Variants in KRT84 observed in about 807,000 individuals in gnomAD.
KRT84 encodes the protein keratin, type II cuticular Hb4.
Under a neutral mutation model 49.0 loss-of-function variants are expected in KRT84, and 38 were observed. The observed-to-expected ratio is 0.78, with a 90% CI of 0.60 to 1.02. The LOEUF (loss-of-function observed/expected upper bound fraction) is 1.02. Ranked by LOEUF, KRT84 falls within the 50% of genes least tolerant of loss-of-function variation. The pLI, the probability that KRT84 is intolerant of heterozygous loss-of-function variation, is 0.00. For missense variants in KRT84, 860 were observed against 788.6 expected (o/e 1.09, Z -1.08); for synonymous variants, 334 against 312.8 (o/e 1.07, Z -0.72).
At chr12:52,380,306 A>G in intron 7 of KRT84, 57 bp downstream of exon 7, 1 of 1,591,326 alleles carries the variant, frequency 6.3e-7, no homozygotes, top group Non-Finnish European at 8.6e-7. Context: ...TCTCTTCCTT[A>G]GTCTTTCTAG....
chr12:52,381,160 G>T lies in KRT84; in HGVS notation c.1123C>A (p.Arg375Ser), dbSNP rs147729749. 6 of 1,614,092 alleles carry T rather than the reference G, an allele frequency of 3.7e-6. No individual in the cohort carries two copies. In the African/African-American group the frequency reaches 4.0e-5, roughly 11 times the overall value. Reference protein sequence around the residue: ...VTAGQHCDNLRNIRNEINELT... With the variant: ...VTAGQHCDNLSNIRNEINELT... ...TCGTTGATCTCGTTCCGTATGTTGC[G>T]CAGGTTGTCACAGTGTTGGCCAGCT... Residue 375 changes from arginine to serine, a missense_variant, in exon 6 of 9, where the codon CGC (arginine) becomes AGC (serine). Arg to Ser is a moderately radical substitution (Grantham distance 110). Coordinates refer to ENST00000257951, the MANE Select transcript of KRT84 (RefSeq NM_033045.4).
rs1939523225 is a variant in KRT84, at chr12:52,383,653, T to C, written c.692A>G (p.Asp231Gly). Residue 231 changes from aspartate to glycine, a missense_variant, in exon 2 of 9, where the codon GAT becomes GGT. Physicochemically the swap from Asp to Gly is moderately conservative, Grantham distance 94. Coordinates refer to ENST00000257951, the MANE Select transcript of KRT84 (RefSeq NM_033045.4). ...LRRQLEVLVSDQARLQAERNH... is the reference protein window; with the variant it reads ...LRRQLEVLVSGQARLQAERNH... ...CCTCTCAGCCTGGAGCCGGGCCTGA[T>C]CACTGACCAGCACCTCCAACTGCCT... 1.2e-6 allele frequency: 2 copies of C among 1,613,994 alleles called. No individual in the cohort carries two copies. The highest frequency in any genetic ancestry group is 3.3e-5 in the Admixed American group (2 of 60,002).
rs773953337 is a variant in KRT84, at chr12:52,385,353, C to T, written c.233G>A (p.Arg78His). Reference protein sequence around the residue: ...VGSRPIHCGVRFGAGCGMGFG... With the variant: ...VGSRPIHCGVHFGAGCGMGFG... Reference sequence around the variant, plus strand: ...ACCCATCCCACAGCCAGCACCAAAGCGGACTCCACAGTGGATGGGCCGAGA... The same window carrying T: ...ACCCATCCCACAGCCAGCACCAAAGTGGACTCCACAGTGGATGGGCCGAGA... Residue 78 changes from arginine to histidine, a missense_variant, in exon 1 of 9, where the codon CGC (arginine) becomes CAC (histidine). Transcript: ENST00000257951. The T allele has an allele frequency of 1.2e-5, 19 of 1,614,078 alleles. No homozygotes were observed. The highest frequency in any genetic ancestry group is 3.3e-5 in the Admixed American group (2 of 60,008).
rs772317331 is a variant in KRT84, at chr12:52,385,052, G to T, written c.534C>A (p.Ser178=). The T allele has an allele frequency of 3.1e-6, 5 of 1,607,152 alleles. No homozygotes were observed. In the South Asian group the frequency reaches 5.6e-5, roughly 18 times the overall value. The part of the protein sequence containing the change: ...QIKTLNNKFA[S]FIDKVRFLEQ... ...CTATCATAGGTACCTTGTCAATGAAGGAGGCAAACTTGTTGTTGAGGGTCT... is the reference window on the plus strand; with the variant it reads ...CTATCATAGGTACCTTGTCAATGAATGAGGCAAACTTGTTGTTGAGGGTCT... Residue 178 remains serine, a synonymous_variant, in exon 1 of 9, where the codon TCC becomes TCA. Transcript: ENST00000257951.
At position 52,378,383 on chromosome 12, in the gene KRT84, G is replaced by A. The variant is rs1939424342; in HGVS notation, c.1457-3C>T. On this transcript the variant is annotated splice_region_variant and splice_polypyrimidine_tract_variant and intron_variant, in intron 8 of 8. Coordinates refer to ENST00000257951, the MANE Select transcript of KRT84 (RefSeq NM_033045.4). The stretch of plus-strand genomic sequence containing the variant: ...GCCGCCCCGGGAGCTGCTGACGGCT[G>A]CGGAGAAAGAAAGCATCAGGGAGGC... 1.4e-6 allele frequency: 2 copies of A among 1,452,840 alleles called. No individual in the cohort carries two copies. Among genetic ancestry groups the A allele is most frequent in the South Asian group, 1.4e-5 (1 of 71,326 alleles). The allele number at this position is 1,452,840 out of a possible 1,614,324, so 90.0% of individuals were successfully genotyped here. A position where few individuals can be genotyped will look rare whatever the true frequency, so the allele number is the denominator to read the frequency against.
At position 52,381,126 on chromosome 12, in the gene KRT84, C is replaced by A. The variant is rs748157753; in HGVS notation, c.1157G>T (p.Arg386Leu). The A allele has an allele frequency of 6.2e-7, 1 of 1,613,990 alleles. No homozygotes were observed. The highest frequency in any genetic ancestry group is 8.5e-7 in the Non-Finnish European group (1 of 1,180,036). ...CTCTGCCTTAAGCCTCTGGATCAGG[C>A]GGGTCAGTTCGTTGATCTCGTTCCG... Reference protein sequence around the residue: ...NIRNEINELTRLIQRLKAEIE... With the variant: ...NIRNEINELTLLIQRLKAEIE... The change falls in exon 6 of 9, where the codon CGC (arginine) becomes CTC (leucine). Residue 386 changes from arginine (R) to leucine (L), a missense_variant. Transcript: ENST00000257951.
At position 52,378,319 on chromosome 12, in the gene KRT84, G is replaced by A; in HGVS notation, c.1518C>T (p.Thr506=). The change falls in exon 9 of 9, where the codon ACC becomes ACT. Residue 506 remains threonine (T), a synonymous_variant. Transcript: ENST00000257951. ...CGPEPLVAGS[T]LSRGGVTFSG... ...AGAAGGTGACCCCGCCGCGGGAGAG[G>A]GTGGAGCCGGCAACCAAAGGCTCAG... The A allele has an allele frequency of 6.5e-7, 1 of 1,531,652 alleles. No homozygotes were observed. Among genetic ancestry groups the A allele is most frequent in the South Asian group, 1.2e-5 (1 of 82,280 alleles). 94.9% of individuals were successfully genotyped at this position (1,531,652 alleles called of 1,614,324 possible).
Position 52,378,113 on chromosome 12 carries a change from C to T in KRT84, c.1724G>A (p.Gly575Asp), listed in dbSNP as rs760422168. ...SVPCPLPTQG[G>D]FSSCSGGRSS... Reference sequence around the variant, plus strand: ...GCGGCCGCCGCTGCAGCTGCTGAAGCCCCCCTGGGTGGGCAGGGGGCAGGG... The same window carrying T: ...GCGGCCGCCGCTGCAGCTGCTGAAGTCCCCCTGGGTGGGCAGGGGGCAGGG... Residue 575 changes from glycine (G) to aspartate (D), a missense_variant, in exon 9 of 9, where the codon GGC (glycine) becomes GAC (aspartate). By Grantham distance (94) the Gly-to-Asp change is moderately conservative. Transcript: ENST00000257951. 16 of 1,520,092 alleles carry T rather than the reference C, an allele frequency of 1.1e-5. No individual in the cohort carries two copies. The East Asian group carries it at 2.2e-4, about 21-fold the overall frequency. 94.2% of individuals were successfully genotyped at this position (1,520,092 alleles called of 1,614,324 possible).
chr12:52,382,635 T>C (rs1939505044), intron 3 of KRT84, 103 bp from the exon 4 acceptor site: 1 of 898,952 alleles, frequency 1.1e-6, no homozygotes, highest in African/African-American at 1.6e-5. Context: ...TTCCCACAGA[T>C]GGTAAGGTCG....
chr12:52,385,715 A>G (rs1318243900), upstream of KRT84: 1 of 918,366 alleles, frequency 1.1e-6, no homozygotes, highest in Admixed American at 2.7e-5. Context: ...GGCCCCATAA[A>G]AATGAAAAAA....
At chr12:52,381,276 G>T in intron 5 of KRT84, 71 bp from the exon 6 acceptor site, 1 of 1,609,048 alleles carries the variant, frequency 6.2e-7, no homozygotes, top group Non-Finnish European at 8.5e-7. Context: ...TGAGTTGGGG[G>T]CTTCAAACCT....
chr12:52,383,504 T>G, intron 2 of KRT84, 86 bp downstream of exon 2: 1 of 1,085,664 alleles, frequency 9.2e-7, no homozygotes. Context: ...CCCTGATCCT[T>G]CCAGCTGCTC....
chr12:52,383,452 C>T (rs2121440962), intron 2 of KRT84, 138 bp downstream of exon 2: 2 of 640,822 alleles, frequency 3.1e-6, no homozygotes, highest in Non-Finnish European at 5.3e-6. Context: ...TATCTCTACC[C>T]ACCCCCACCT....
At chr12:52,383,520 T>C in intron 2 of KRT84, 70 bp downstream of exon 2, 1 of 1,190,172 alleles carries the variant, frequency 8.4e-7, no homozygotes, top group Non-Finnish European at 1.2e-6. Context: ...TGCTCTCATC[T>C]GAGCTTGGCA....
chr12:52,382,713 G>A (rs897604966), intron 3 of KRT84, among the ~76,000 whole-genome samples, 181 bp from the exon 4 acceptor site: 2 of 152,214 alleles, frequency 1.3e-5, no homozygotes, highest in Non-Finnish European at 2.9e-5. Flanking sequence ...TCCCCCAGGG[G>A]CTGCTGGACA....
intron 3 of KRT84, 120 bp from the exon 4 acceptor site, chr12:52,382,652 A>G: frequency 1.3e-6 from 1 of 766,254 alleles, no homozygotes; most frequent in Non-Finnish European, 2.2e-6. Flanking sequence ...GTCGCTGGGT[A>G]GAAGTGAAGC....
chr12:52,381,190 C>A lies in KRT84; in HGVS notation c.1093G>T (p.Val365Leu), dbSNP rs746841791. The change falls in exon 6 of 9, where the codon GTG becomes TTG. Residue 365 changes from valine (V) to leucine (L), a missense_variant. Transcript: ENST00000257951. ...WYQTKYEEMQ[V>L]TAGQHCDNLR... ...TTGTCACAGTGTTGGCCAGCTGTCA[C>A]CTGCATCTCTTCATACTGCGGAGAG... 2 of 1,614,178 alleles carry A rather than the reference C, an allele frequency of 1.2e-6. No homozygotes were observed. The highest frequency in any genetic ancestry group is 2.2e-5 in the South Asian group (2 of 91,070).
chr12:52,377,890 T>A lies in KRT84; in HGVS notation c.*144A>T, dbSNP rs532795969. ...CAAGAGGACATGGGGCCAGGCAGAA[T>A]AATCGGGGGAGTGCTAAGGGGTGGC... On this transcript the variant is annotated 3_prime_UTR_variant, in exon 9 of 9. Coordinates refer to ENST00000257951, the MANE Select transcript of KRT84 (RefSeq NM_033045.4). 3 of 508,984 alleles carry A rather than the reference T, an allele frequency of 5.9e-6. No homozygotes were observed. The African/African-American group carries it at 6.0e-5, about 10-fold the overall frequency. 31.5% of individuals were successfully genotyped at this position (508,984 alleles called of 1,614,324 possible).
At position 52,378,382 on chromosome 12, in the gene KRT84, T is replaced by C; in HGVS notation, c.1457-2A>G. On this transcript the variant is annotated splice_acceptor_variant, in intron 8 of 8. Transcript: ENST00000257951. LOFTEE classifies it high-confidence loss of function. ...GGCCGCCCCGGGAGCTGCTGACGGCTGCGGAGAAAGAAAGCATCAGGGAGG... is the reference window on the plus strand; with the variant it reads ...GGCCGCCCCGGGAGCTGCTGACGGCCGCGGAGAAAGAAAGCATCAGGGAGG... 6.9e-7 allele frequency: 1 copy of C among 1,452,872 alleles called. No individual in the cohort carries two copies. Among genetic ancestry groups the C allele is most frequent in the South Asian group, 1.4e-5 (1 of 71,518 alleles). 90.0% of individuals were successfully genotyped at this position (1,452,872 alleles called of 1,614,324 possible).
Sources: gnomAD v4.1 joint callset for allele counts (sites outside exome capture counted in the v4.1 genomes callset) on GRCh38, gnomAD v4.1.1 for gene constraint, MANE v1.5 for transcripts, NCBI Gene and HGNC (gene_info 2026-07-23, HGNC 2026-07-21) for gene names.